PKNOX2: variants seen among roughly 807,000 people sequenced by gnomAD.
PKNOX2 encodes PBX/knotted 1 homeobox 2, also known as homeobox protein PKNOX2.
Under a neutral mutation model 53.1 loss-of-function variants are expected in PKNOX2, and 14 were observed. The ratio of observed to expected loss-of-function variants is 0.26; its 90% CI spans 0.17 to 0.41. The LOEUF (loss-of-function observed/expected upper bound fraction) is 0.41, where lower values mean the gene tolerates loss of function less well. Ranked by LOEUF, PKNOX2 falls within the 10% of genes least tolerant of loss-of-function variation. PKNOX2 has a pLI of 1.00. For synonymous variants in PKNOX2, 257 were observed against 242.8 expected (o/e 1.06, Z -0.54); for missense variants, 496 against 602.8 (o/e 0.82, Z 1.85).
intron 1 of PKNOX2, among the ~76,000 whole-genome samples, chr11:125,219,654 A>T (rs1224316630): frequency 2.0e-5 from 3 of 152,240 alleles, no homozygotes; most frequent in African/African-American, 7.2e-5. Flanking sequence ...AATGTATGAG[A>T]GCATGATCAA....
In PKNOX2 at chr11:125,240,256, G is replaced by C. The variant is rs1943043768; in HGVS notation, c.-130+5141G>C. On this transcript the variant is annotated intron_variant, in intron 2 of 12. Coordinates refer to ENST00000298282, the MANE Select transcript of PKNOX2 (RefSeq NM_001382323.2). The surrounding 1 kb of genome is among the most constrained non-coding windows in gnomAD (Gnocchi z 4.3). ...AGCCGGCCCAGAGATGAACGCATCTGGGAGCTGCCAAGGCGACTCTCTCAA... is the reference window on the plus strand; with the variant it reads ...AGCCGGCCCAGAGATGAACGCATCTCGGAGCTGCCAAGGCGACTCTCTCAA... 6.6e-6 allele frequency: 1 copy of C among 152,180 alleles called. No individual in the cohort carries two copies. Among genetic ancestry groups the C allele is most frequent in the Non-Finnish European group, 1.5e-5 (1 of 68,050 alleles). The allele number at this position is 152,180 out of a possible 1,614,324, so 9.4% of individuals were successfully genotyped here.
At chr11:125,236,805 A>G (rs1565476217) in intron 2 of PKNOX2, among the ~76,000 whole-genome samples, 1 of 152,134 alleles carries the variant, frequency 6.6e-6, no homozygotes, top group Non-Finnish European at 1.5e-5. Context: ...TCAGGGTGAT[A>G]GGGCCCAGTT....
At chr11:125,227,115 T>C (rs1370241982) in intron 1 of PKNOX2, among the ~76,000 whole-genome samples, 3 of 152,190 alleles carry the variant, frequency 2.0e-5, no homozygotes, top group Non-Finnish European at 4.4e-5. Context: ...TGGTAAAACA[T>C]ATATCACATA....
chr11:125,175,647 G>T (rs974723338), intron 1 of PKNOX2, among the ~76,000 whole-genome samples: 8 of 152,174 alleles, frequency 5.3e-5, no homozygotes, highest in Non-Finnish European at 1.2e-4. Flanking sequence ...AAGAGAATTT[G>T]CCCAAGGTCA....
chr11:125,308,494 A>G (rs543474821), intron 2 of PKNOX2, among the ~76,000 whole-genome samples: 1 of 152,216 alleles, frequency 6.6e-6, no homozygotes, highest in Non-Finnish European at 1.5e-5. Flanking sequence ...TGTCATGGCC[A>G]CCATGATCTC....
chr11:125,333,089 A>G (rs2136117049), intron 3 of PKNOX2, among the ~76,000 whole-genome samples: 1 of 152,302 alleles, frequency 6.6e-6, no homozygotes, highest in Non-Finnish European at 1.5e-5. Flanking sequence ...CCTTTTCAAC[A>G]TTTGGAGTCT....
At chr11:125,172,406 T>A (rs1955393300) in intron 1 of PKNOX2, among the ~76,000 whole-genome samples, 1 of 152,216 alleles carries the variant, frequency 6.6e-6, no homozygotes, top group South Asian at 2.1e-4. Flanking sequence ...GATCCCCTTT[T>A]TCCCTAAGCA....
chr11:125,397,736 G>T, intron 6 of PKNOX2, 138 bp from the exon 7 acceptor site: 1 of 856,076 alleles, frequency 1.2e-6, no homozygotes, highest in Non-Finnish European at 1.8e-6. Context: ...TGGGCCTTTT[G>T]GCCAAGATCA....
intron 2 of PKNOX2, among the ~76,000 whole-genome samples, chr11:125,319,915 G>A (rs1210884973): frequency 1.3e-5 from 2 of 152,232 alleles, no homozygotes; most frequent in African/African-American, 4.8e-5. Context: ...GGAAAGGTGG[G>A]AAGGGCCAGA....
At chr11:125,416,542 TGTTA>T (rs1955896996) in intron 10 of PKNOX2, among the ~76,000 whole-genome samples, 1 of 151,970 alleles carries the variant, frequency 6.6e-6, no homozygotes, top group African/African-American at 2.4e-5. Context: ...CAGAAGAGTT[TGTTA>T]AATTACAGAA....
chr11:125,223,475 C>T (rs1277811169), intron 1 of PKNOX2, among the ~76,000 whole-genome samples: 2 of 152,228 alleles, frequency 1.3e-5, no homozygotes, highest in Non-Finnish European at 2.9e-5. Context: ...AGTGATTCAC[C>T]TGCCTCGGCC....
chr11:125,382,037 C>T (rs1032522841), intron 5 of PKNOX2, among the ~76,000 whole-genome samples: 1 of 152,168 alleles, frequency 6.6e-6, no homozygotes, highest in East Asian at 1.9e-4. Context: ...ACAGTCGTGG[C>T]AGATGTCCCG....
In PKNOX2 at chr11:125,165,186, C is replaced by G. The variant is rs1037726963; in HGVS notation, c.-201+410C>G. On this transcript the variant is annotated intron_variant, in intron 1 of 12. Transcript: ENST00000298282. The surrounding 1 kb of genome is among the most constrained non-coding windows in gnomAD (Gnocchi z 4.5). ...GCCGCCGCCTCGCCGCGCTTGGGCC[C>G]GTGGCCGGCCGCGCATTGTCCTCGG... 3.2e-4 allele frequency among the ~76,000 whole-genome samples: 48 copies of G among 150,702 alleles called. No individual in the cohort carries two copies. Among genetic ancestry groups the G allele is most frequent in the Admixed American group, 2.8e-3 (42 of 15,136 alleles).
At chr11:125,387,374 A>G (rs1162439338) in intron 6 of PKNOX2, among the ~76,000 whole-genome samples, 2 of 152,192 alleles carry the variant, frequency 1.3e-5, no homozygotes, top group South Asian at 2.1e-4. Context: ...GAAATAACTT[A>G]TACCTTCTTA....
intron 5 of PKNOX2, among the ~76,000 whole-genome samples, chr11:125,375,924 G>A (rs187127570): frequency 3.3e-5 from 5 of 152,176 alleles, no homozygotes; most frequent in Non-Finnish European, 5.9e-5. Flanking sequence ...GGGGTCTGTC[G>A]CACTTCTCTT....
intron 2 of PKNOX2, among the ~76,000 whole-genome samples, chr11:125,266,098 C>G (rs186102147): frequency 1.3e-5 from 2 of 152,294 alleles, no homozygotes; most frequent in African/African-American, 4.8e-5. Context: ...AGGAATAGTT[C>G]CTTTCTCACT....
intron 2 of PKNOX2, among the ~76,000 whole-genome samples, chr11:125,298,159 G>GAAAC (rs1947784585): frequency 6.6e-6 from 1 of 152,186 alleles, no homozygotes; most frequent in Non-Finnish European, 1.5e-5. Context: ...CCCTCAGAAG[G>GAAAC]TGGCGTTAAG....
chr11:125,430,002 T>C lies in PKNOX2; in HGVS notation c.1053T>C (p.Leu351=), dbSNP rs1956619257. The change falls in exon 12 of 13, where the codon CTT becomes CTC. Residue 351 remains leucine, a synonymous_variant. Transcript: ENST00000298282. The part of the protein sequence containing the change: ...NARRRILQPM[L]DASNPDPAPK... ...GGAGGCGCATCCTGCAGCCCATGCT[T>C]GATGCCAGCAACCCAGATCCTGCCC... 4 of 1,614,188 alleles carry C rather than the reference T, an allele frequency of 2.5e-6. No homozygotes were observed. The highest frequency in any genetic ancestry group is 3.4e-6 in the Non-Finnish European group (4 of 1,180,030).
rs776653917 is a variant in PKNOX2, at chr11:125,430,187, T to C, written c.1192+46T>C. 4 of 1,585,516 alleles carry C rather than the reference T, an allele frequency of 2.5e-6. No individual in the cohort carries two copies. In the African/African-American group the frequency reaches 5.4e-5, roughly 21 times the overall value. Reference sequence around the variant, plus strand: ...CACCCTAGACAAGGGCTGGGGGTGCTCCTGGAGCTTCTTCAGGTCAAGCCG... The same window carrying C: ...CACCCTAGACAAGGGCTGGGGGTGCCCCTGGAGCTTCTTCAGGTCAAGCCG... On this transcript the variant is annotated intron_variant, in intron 12 of 12. Transcript: ENST00000298282.
Sources: allele counts gnomAD v4.1 joint callset (sites outside exome capture counted in the v4.1 genomes callset), GRCh38; gene constraint gnomAD v4.1.1; non-coding constraint Gnocchi (gnomAD v3.1); transcripts MANE v1.5; gene names NCBI Gene and HGNC (gene_info 2026-07-23, HGNC 2026-07-21).